The following DOCK10 variants were observed in gnomAD, a reference collection of about 807,000 sequenced individuals.
The protein encoded by DOCK10 is dedicator of cytokinesis 10, also known as dedicator of cytokinesis protein 10.
Under a neutral mutation model 280.1 loss-of-function variants are expected in DOCK10, and 145 were observed. The ratio of observed to expected loss-of-function variants is 0.52; its 90% CI spans 0.45 to 0.59. The LOEUF (loss-of-function observed/expected upper bound fraction) is 0.59. Among genes scored for constraint, DOCK10 ranks in the 20% least tolerant of loss-of-function variants. The probability of loss-of-function intolerance (pLI) is 0.00; values close to 1 mark genes in which losing one functional copy is unlikely to be tolerated. For missense variants in DOCK10, 2,368 were observed against 2,651.7 expected (o/e 0.89, Z 2.35); for synonymous variants, 915 against 942.2 (o/e 0.97, Z 0.53).
rs984492994 is a variant in DOCK10 at position 224,786,616 on chromosome 2, T to C, written c.5655+406A>G. Among the ~76,000 whole-genome samples the C allele has an allele frequency of 3.3e-5, 5 of 152,260 alleles. No individual in the cohort carries two copies. Among genetic ancestry groups the C allele is most frequent in the African/African-American group, 1.2e-4 (5 of 41,466 alleles). On this transcript the variant is annotated intron_variant, in intron 50 of 55. Coordinates refer to ENST00000258390, the MANE Select transcript of DOCK10 (RefSeq NM_014689.3). The surrounding 1 kb of genome is among the most constrained non-coding windows in gnomAD (Gnocchi z 4.7). ...TGATAGTAAAATCAAAGGTTTGATA[T>C]GGTGGAGCCCCTAGGAATTCTCTTA... is the stretch of plus-strand genomic sequence containing the variant.
intron 1 of DOCK10, among the ~76,000 whole-genome samples, chr2:225,017,539 A>C (rs956700604): frequency 1.3e-5 from 2 of 151,998 alleles, no homozygotes; most frequent in Admixed American, 6.6e-5. Context: ...CATTTGGGTA[A>C]AGCATCTAAG....
At chr2:225,026,008 C>T (rs891033446) in intron 1 of DOCK10, among the ~76,000 whole-genome samples, 3 of 152,008 alleles carry the variant, frequency 2.0e-5, no homozygotes, top group Non-Finnish European at 4.4e-5. Flanking sequence ...CTAAGTCTGC[C>T]TGTGGACTCA....
At chr2:224,886,891 C>CCCT (rs1553605464) in intron 4 of DOCK10, among the ~76,000 whole-genome samples, 3 of 150,360 alleles carry the variant, frequency 2.0e-5, no homozygotes, top group Non-Finnish European at 3.0e-5. Flanking sequence ...CCCCAACACC[C>CCCT]CCCCAAGTAG....
At position 224,819,435 on chromosome 2, in the gene DOCK10, G is replaced by C; in HGVS notation, c.3267+11C>G. ...GTTTAGAAAACAATCACTCCTGTAC[G>C]TGGTTCTTACCTTAAGGTCACCGGA... On this transcript the variant is annotated intron_variant, in intron 29 of 55. Transcript: ENST00000258390. The C allele has an allele frequency of 6.4e-7, 1 of 1,564,666 alleles. No homozygotes were observed. The highest frequency in any genetic ancestry group is 8.8e-7 in the Non-Finnish European group (1 of 1,142,716).
At chr2:224,894,708 G>A (rs891935367) in intron 4 of DOCK10, among the ~76,000 whole-genome samples, 1 of 152,148 alleles carries the variant, frequency 6.6e-6, no homozygotes, top group Admixed American at 6.5e-5. Context: ...TCTGGTAAAC[G>A]TTACTGTTCA....
intron 26 of DOCK10, among the ~76,000 whole-genome samples, chr2:224,831,576 A>G (rs948540762): frequency 1.3e-5 from 2 of 152,188 alleles, no homozygotes; most frequent in African/African-American, 4.8e-5. Flanking sequence ...ACTCAATCTC[A>G]AAATTATCTG....
chr2:225,038,617 A>G lies in DOCK10; in HGVS notation c.123+3635T>C, dbSNP rs142981496. Among the ~76,000 whole-genome samples the G allele has an allele frequency of 3.5e-3, 526 of 152,294 alleles. 5 individuals carry two copies. The highest frequency in any genetic ancestry group is 0.012 in the African/African-American group (514 of 41,568). ...GTTAAGTATAATCACTTCCGGCAGG[A>G]TGCTTTCTCTTTAAAATGAGTTAAT... is the stretch of plus-strand genomic sequence containing the variant. On this transcript the variant is annotated intron_variant, in intron 1 of 55. Coordinates refer to ENST00000258390, the MANE Select transcript of DOCK10 (RefSeq NM_014689.3).
At chr2:224,784,257 C>T (rs2125060661) in intron 50 of DOCK10, among the ~76,000 whole-genome samples, 1 of 152,288 alleles carries the variant, frequency 6.6e-6, no homozygotes. Context: ...CTAAGACACT[C>T]CTTCAGAAAA....
intron 48 of DOCK10, 38 bp from the exon 49 acceptor site, chr2:224,787,435 T>G: frequency 3.1e-6 from 5 of 1,611,640 alleles, no homozygotes; most frequent in Non-Finnish European, 4.2e-6. Flanking sequence ...TTTACATGAT[T>G]AGGGTTGTGG....
At chr2:224,775,198 A>C in intron 51 of DOCK10, 83 bp from the exon 52 acceptor site, 1 of 1,282,662 alleles carries the variant, frequency 7.8e-7, no homozygotes. Context: ...CTCAGCTTGC[A>C]TCCAGAGGAG....
intron 2 of DOCK10, among the ~76,000 whole-genome samples, chr2:224,918,921 G>A (rs1435336876): frequency 6.8e-6 from 1 of 146,648 alleles, no homozygotes; most frequent in Non-Finnish European, 1.5e-5. Context: ...TGTGTGGTAT[G>A]TGTGGTGTGT....
chr2:224,956,810 G>A (rs1322732780), intron 1 of DOCK10, among the ~76,000 whole-genome samples: 1 of 151,952 alleles, frequency 6.6e-6, no homozygotes, highest in Admixed American at 6.6e-5. Flanking sequence ...TATACTGCAC[G>A]GAGATCTCAT....
At chr2:224,933,442 C>T (rs1486447058) in intron 1 of DOCK10, among the ~76,000 whole-genome samples, 2 of 152,144 alleles carry the variant, frequency 1.3e-5, no homozygotes, top group Admixed American at 6.5e-5. Flanking sequence ...CTGTAGGCCT[C>T]AGTAGTCTTT....
At chr2:224,773,121 C>A in intron 53 of DOCK10, 36 bp downstream of exon 53, 1 of 1,538,956 alleles carries the variant, frequency 6.5e-7, no homozygotes, top group Non-Finnish European at 8.8e-7. Context: ...GTTTCATTGG[C>A]CATGTGCATC....
chr2:224,892,415 A>AAAAAAAG (rs1699737792), intron 4 of DOCK10, among the ~76,000 whole-genome samples: 1 of 129,266 alleles, frequency 7.7e-6, no homozygotes, highest in Non-Finnish European at 1.6e-5. Context: ...AAAAAAAAAA[A>AAAAAAAG]AAAAAAAGAA....
chr2:224,923,091 T>C (rs1206202304), intron 2 of DOCK10, among the ~76,000 whole-genome samples: 1 of 152,242 alleles, frequency 6.6e-6, no homozygotes, highest in Non-Finnish European at 1.5e-5. Flanking sequence ...ATTTTACTTA[T>C]TGTTTAAATA....
chr2:224,797,305 G>C (rs909322705), intron 42 of DOCK10, among the ~76,000 whole-genome samples, 159 bp from the exon 43 acceptor site: 5 of 138,912 alleles, frequency 3.6e-5, no homozygotes, highest in Non-Finnish European at 1.6e-5. Context: ...GATAGAATTT[G>C]TTAAGGCCTA....
rs920286295 is a variant in DOCK10, at chr2:224,819,508, G to T, written c.3205C>A (p.Arg1069=). 6.2e-7 allele frequency: 1 copy of T among 1,605,550 alleles called. No homozygotes were observed. The highest frequency in any genetic ancestry group is 8.5e-7 in the Non-Finnish European group (1 of 1,176,184). The change falls in exon 29 of 56, where the codon CGA becomes AGA. Residue 1069 remains arginine, a synonymous_variant. Coordinates refer to ENST00000258390, the MANE Select transcript of DOCK10 (RefSeq NM_014689.3). ...FLKRCFTFMD[R]GYVFKMVNNY... is the part of the protein sequence containing the mutation. ...TTGACCATCTTAAACACATACCCTC[G>T]GTCCATAAATGTAAAGCAGCGCTAA...
intron 1 of DOCK10, among the ~76,000 whole-genome samples, chr2:225,001,401 T>C (rs1266373153): frequency 6.6e-6 from 1 of 151,132 alleles, no homozygotes; most frequent in Non-Finnish European, 1.5e-5. Flanking sequence ...GCCATTCTCC[T>C]GCCTCAGCCT....
Sources: allele counts gnomAD v4.1 joint callset (sites outside exome capture counted in the v4.1 genomes callset), GRCh38; gene constraint gnomAD v4.1.1; non-coding constraint Gnocchi (gnomAD v3.1); transcripts MANE v1.5; gene names NCBI Gene and HGNC (gene_info 2026-07-23, HGNC 2026-07-21).